Variants in MAP4K3 observed in about 807,000 individuals in gnomAD.
MAP4K3 encodes MAPK/ERK kinase kinase kinase 3.
In MAP4K3, 94 loss-of-function variants were observed where a neutral mutation model predicts 143.5. That is an observed-to-expected ratio of 0.65 (90% confidence interval 0.55 to 0.78). MAP4K3 has a LOEUF of 0.78. Among genes scored for constraint, MAP4K3 ranks in the 30% least tolerant of loss-of-function variants. MAP4K3 has a pLI of 0.00. For missense variants in MAP4K3, 1,077 were observed against 1,068.1 expected (o/e 1.01, Z -0.12); for synonymous variants, 416 against 347.2 (o/e 1.20, Z -2.20).
chr2:39,343,706 T>C (rs1201103477), intron 3 of MAP4K3, among the ~76,000 whole-genome samples: 1 of 152,178 alleles, frequency 6.6e-6, no homozygotes, highest in Non-Finnish European at 1.5e-5. Flanking sequence ...ATCCAAATAA[T>C]GAAAATACTT....
rs1558627815 is a variant in MAP4K3, at chr2:39,293,283, C to CA, written c.1179-16dup. The CA allele has an allele frequency of 5.5e-6, 8 of 1,452,346 alleles. No homozygotes were observed. The allele number at this position is 1,452,346 out of a possible 1,614,324, so 90.0% of individuals were successfully genotyped here. A position where few individuals can be genotyped will look rare whatever the true frequency, so the allele number is the denominator to read the frequency against. ...TGAGAAGACTCCTTAAAAGAAAAAACAAAAACAAAAAATAATGTGAATAAA... is the reference window on the plus strand; with the variant it reads ...TGAGAAGACTCCTTAAAAGAAAAAACAAAAAACAAAAAATAATGTGAATAAA... On this transcript the variant is annotated splice_polypyrimidine_tract_variant and intron_variant, in intron 16 of 33. Transcript: ENST00000263881.
intron 1 of MAP4K3, among the ~76,000 whole-genome samples, chr2:39,413,711 CA>C (rs1164836091): frequency 7.1e-6 from 1 of 139,992 alleles, no homozygotes; most frequent in African/African-American, 2.6e-5. Context: ...TATCACCAGA[CA>C]GGGGAGTCCG....
intron 13 of MAP4K3, among the ~76,000 whole-genome samples, chr2:39,311,759 T>C (rs542119316): frequency 1.3e-5 from 2 of 152,352 alleles, no homozygotes; most frequent in South Asian, 2.1e-4. Flanking sequence ...TGATATCCTG[T>C]GTGCAACTTT....
intron 24 of MAP4K3, among the ~76,000 whole-genome samples, chr2:39,275,221 TCA>T (rs1336344202): frequency 6.6e-6 from 1 of 152,216 alleles, no homozygotes; most frequent in African/African-American, 2.4e-5. Context: ...GCCTGGTGAC[TCA>T]CACCTGTAAT....
At chr2:39,251,932 A>C (rs1456482376) in intron 32 of MAP4K3, 47 bp from the exon 33 acceptor site, 3 of 1,274,158 alleles carry the variant, frequency 2.4e-6, no homozygotes, top group Non-Finnish European at 3.4e-6. Context: ...AAAGACACAA[A>C]ATTTTTAATG....
At chr2:39,295,715 G>GTTTTTTT (rs56299783) in intron 16 of MAP4K3, among the ~76,000 whole-genome samples, 2 of 98,548 alleles carry the variant, frequency 2.0e-5, no homozygotes, top group African/African-American at 3.4e-5. Flanking sequence ...CGCATTCCAT[G>GTTTTTTT]TTTTTTTTTT....
At chr2:39,281,960 G>A (rs1367837365) in intron 22 of MAP4K3, among the ~76,000 whole-genome samples, 1 of 151,952 alleles carries the variant, frequency 6.6e-6, no homozygotes, top group Non-Finnish European at 1.5e-5. Flanking sequence ...TTGGGAGGCC[G>A]AGGTGCACAC....
chr2:39,283,188 AG>A (rs962674977), intron 21 of MAP4K3, among the ~76,000 whole-genome samples: 1 of 152,184 alleles, frequency 6.6e-6, no homozygotes, highest in Admixed American at 6.5e-5. Context: ...ACTGATACAC[AG>A]GGTCTCTATC....
At chr2:39,326,360 A>G (rs1683490208) in intron 8 of MAP4K3, 83 bp from the exon 9 acceptor site, 2 of 1,482,078 alleles carry the variant, frequency 1.3e-6, no homozygotes, top group Admixed American at 2.1e-5. Context: ...AGGAATTATC[A>G]CTATCTAAAT....
chr2:39,337,669 C>A, intron 4 of MAP4K3, 88 bp from the exon 5 acceptor site: 1 of 704,024 alleles, frequency 1.4e-6, no homozygotes. Context: ...AAGCAACAGA[C>A]TTAATATCCC....
At chr2:39,322,523 T>C (rs1023080005) in intron 12 of MAP4K3, among the ~76,000 whole-genome samples, 1 of 151,598 alleles carries the variant, frequency 6.6e-6, no homozygotes, top group African/African-American at 2.4e-5. Flanking sequence ...GAACTCAACA[T>C]TAAAAAGTCA....
At chr2:39,333,215 T>C (rs6725496) in intron 7 of MAP4K3, among the ~76,000 whole-genome samples, 11,066 of 152,202 alleles carry the variant, frequency 0.073, 1,370 homozygotes, top group African/African-American at 0.25. Flanking sequence ...TTGTCTTATT[T>C]TTTGGTTACA....
In MAP4K3 at chr2:39,258,375, T is replaced by C. The variant is rs201194546; in HGVS notation, c.2443A>G (p.Thr815Ala). ...ATTGATTCAATCTGGAAATCAAAGG[T>C]GAGTTCTGATGACAATTTCCTGCTA... ...KSSRKLSSEL[T>A]FDFQIESIVC... The change falls in exon 31 of 34, where the codon ACC becomes GCC. Residue 815 changes from threonine to alanine, a missense_variant. This residue lies in a region of MAP4K3 where 864 missense variants were observed against 801.2 expected (regional missense o/e 1.08). Transcript: ENST00000263881. The C allele has an allele frequency of 7.1e-5, 114 of 1,608,954 alleles. 1 individual carries two copies. Among genetic ancestry groups the C allele is most frequent in the Non-Finnish European group, 9.3e-5 (110 of 1,177,284 alleles).
At chr2:39,265,451 G>A in intron 27 of MAP4K3, 145 bp from the exon 28 acceptor site, 1 of 684,180 alleles carries the variant, frequency 1.5e-6, no homozygotes, top group Non-Finnish European at 2.6e-6. Flanking sequence ...TTCTTAATTA[G>A]AGGGCTGGGT....
intron 1 of MAP4K3, among the ~76,000 whole-genome samples, chr2:39,399,311 G>A (rs756062274): frequency 1.3e-5 from 2 of 152,152 alleles, no homozygotes; most frequent in Non-Finnish European, 2.9e-5. Flanking sequence ...CACAGACAAG[G>A]TTTTTAATAA....
intron 28 of MAP4K3, among the ~76,000 whole-genome samples, chr2:39,263,972 C>T (rs1680672137): frequency 6.6e-6 from 1 of 152,120 alleles, no homozygotes; most frequent in Non-Finnish European, 1.5e-5. Context: ...TTCATTCATA[C>T]CAGGTTAATC....
chr2:39,429,978 A>C (rs1378954356), intron 1 of MAP4K3, among the ~76,000 whole-genome samples: 1 of 152,232 alleles, frequency 6.6e-6, no homozygotes, highest in East Asian at 1.9e-4. Flanking sequence ...CAAAGTTCTA[A>C]AAGAGCTTTC....
intron 1 of MAP4K3, among the ~76,000 whole-genome samples, chr2:39,416,003 A>ATATATATATT (rs1667368064): frequency 9.1e-6 from 1 of 109,886 alleles, no homozygotes; most frequent in Non-Finnish European, 1.8e-5. Context: ...ATATATATAT[A>ATATATATATT]TAAAAATAAC....
In MAP4K3 at chr2:39,356,294, T is replaced by A; in HGVS notation, c.200A>T (p.Asp67Val). 8.1e-6 allele frequency: 13 copies of A among 1,605,582 alleles called. No homozygotes were observed. Among genetic ancestry groups the A allele is most frequent in the African/African-American group, 1.3e-5 (1 of 74,852 alleles). Residue 67 changes from aspartate (D) to valine (V), a missense_variant, in exon 3 of 34, where the codon GAC (aspartate) becomes GTC (valine). By Grantham distance (152) the Asp-to-Val change is radical. This residue lies in a region of MAP4K3 where 213 missense variants were observed against 266.8 expected (regional missense o/e 0.80). Transcript: ENST00000263881. ...VVQQEIIMMK[D>V]CKHPNIVAYF... The stretch of plus-strand genomic sequence containing the variant: ...AGCAACAATATTTGGGTGTTTACAG[T>A]CTTTCATCATAATAATTTCTTGCTG...
Sources: gnomAD v4.1 joint callset for allele counts (sites outside exome capture counted in the v4.1 genomes callset) on GRCh38, gnomAD v4.1.1 for gene constraint, gnomAD v4.1.1 regional missense constraint, MANE v1.5 for transcripts, NCBI Gene and HGNC (gene_info 2026-07-23, HGNC 2026-07-21) for gene names.